Variants in FAF1 observed in about 807,000 individuals in gnomAD.
FAF1 encodes the protein FAS-associated factor 1.
FAF1 carries 25 observed loss-of-function variants against 92.5 expected under a neutral mutation model. The ratio of observed to expected loss-of-function variants is 0.27; its 90% CI spans 0.20 to 0.38. The LOEUF is 0.38. Ranked by LOEUF, FAF1 falls within the 10% of genes least tolerant of loss-of-function variation. The pLI is 1.00. For synonymous variants in FAF1, 234 were observed against 273.2 expected (o/e 0.86, Z 1.42); for missense variants, 636 against 793.3 (o/e 0.80, Z 2.38).
chr1:50,691,122 A>G (rs1259760008), intron 7 of FAF1, among the ~76,000 whole-genome samples: 11 of 152,234 alleles, frequency 7.2e-5, no homozygotes, highest in Admixed American at 7.2e-4. Flanking sequence ...GATGGTAACC[A>G]TGTTTAACAT....
Position 50,885,295 on chromosome 1 carries a change from TTC to T in FAF1, c.46-27300_46-27299del, listed in dbSNP as rs147647466. Among the ~76,000 whole-genome samples, 21 of 137,214 alleles carry T rather than the reference TTC, an allele frequency of 1.5e-4. No individual in the cohort carries two copies. In the East Asian group the frequency reaches 1.7e-3, roughly 11 times the overall value. 90.0% of individuals were successfully genotyped at this position (137,214 alleles called of 152,430 possible). A position where few individuals can be genotyped will look rare whatever the true frequency, so the allele number is the denominator to read the frequency against. On this transcript the variant is annotated intron_variant, in intron 1 of 18. Coordinates refer to ENST00000396153, the MANE Select transcript of FAF1 (RefSeq NM_007051.3). Reference sequence around the variant, plus strand: ...GGTTTCCCATTCTCTCCGTGTCTCTTTCTCTCTCTCTCTCTCTCACACACACA... The same window carrying T: ...GGTTTCCCATTCTCTCCGTGTCTCTTTCTCTCTCTCTCTCTCACACACACA...
intron 13 of FAF1, among the ~76,000 whole-genome samples, chr1:50,556,782 A>G (rs1046255968): frequency 2.0e-5 from 3 of 152,132 alleles, no homozygotes; most frequent in African/African-American, 7.2e-5. Context: ...GGCTGCAGTA[A>G]GTTGAAACTG....
chr1:50,892,467 T>C (rs1247896794), intron 1 of FAF1, among the ~76,000 whole-genome samples: 2 of 152,238 alleles, frequency 1.3e-5, no homozygotes, highest in Non-Finnish European at 2.9e-5. Context: ...GAGCTGTTCC[T>C]ATTTGGCCAT....
At chr1:50,604,203 TCAAGTGCTACTGC>T (rs1652273117) in intron 8 of FAF1, among the ~76,000 whole-genome samples, 1 of 152,040 alleles carries the variant, frequency 6.6e-6, no homozygotes, top group African/African-American at 2.4e-5. Context: ...CTTAGCTGAG[TCAAGTGCTACTGC>T]CATATCTTCC....
intron 3 of FAF1, among the ~76,000 whole-genome samples, chr1:50,794,622 G>C (rs1342572553): frequency 6.6e-6 from 1 of 152,056 alleles, no homozygotes; most frequent in African/African-American, 2.4e-5. Context: ...AAACATATTT[G>C]GTTTTGTTTG....
chr1:50,864,647 C>G (rs1480808119), intron 1 of FAF1, among the ~76,000 whole-genome samples: 1 of 151,574 alleles, frequency 6.6e-6, no homozygotes, highest in Non-Finnish European at 1.5e-5. Flanking sequence ...ATGTAGAAAG[C>G]TGAAACTGGA....
chr1:50,504,404 A>G (rs1221747814), intron 15 of FAF1, among the ~76,000 whole-genome samples: 4 of 152,172 alleles, frequency 2.6e-5, no homozygotes, highest in Non-Finnish European at 5.9e-5. Flanking sequence ...AGGTAAAGGG[A>G]GAATTAATGA....
chr1:50,945,224 C>A (rs1645164675), intron 1 of FAF1, among the ~76,000 whole-genome samples: 1 of 152,100 alleles, frequency 6.6e-6, no homozygotes, highest in Non-Finnish European at 1.5e-5. Context: ...AAAAGTATAA[C>A]ACAGATTGGT....
At chr1:50,650,270 G>A (rs1654797487) in intron 8 of FAF1, among the ~76,000 whole-genome samples, 2 of 130,980 alleles carry the variant, frequency 1.5e-5, no homozygotes, top group East Asian at 2.2e-4. Context: ...TGCAACAAGA[G>A]CGAAACTCTG....
chr1:50,906,419 G>A (rs1481507912), intron 1 of FAF1, among the ~76,000 whole-genome samples: 1 of 152,172 alleles, frequency 6.6e-6, no homozygotes, highest in East Asian at 1.9e-4. Flanking sequence ...TGTGAAGAAA[G>A]TCATTGGTGG....
intron 18 of FAF1, among the ~76,000 whole-genome samples, chr1:50,470,405 T>G (rs1646556927): frequency 6.6e-6 from 1 of 152,212 alleles, no homozygotes; most frequent in South Asian, 2.1e-4. Context: ...CCTCCCTTGA[T>G]TCTCCCACCA....
intron 1 of FAF1, among the ~76,000 whole-genome samples, chr1:50,892,399 G>A (rs1289580886): frequency 1.3e-5 from 2 of 152,208 alleles, no homozygotes; most frequent in African/African-American, 4.8e-5. Context: ...TGGTACCTCA[G>A]TTGGAAATGC....
intron 15 of FAF1, among the ~76,000 whole-genome samples, chr1:50,522,156 T>C (rs1557979935): frequency 6.6e-6 from 1 of 152,238 alleles, no homozygotes; most frequent in Non-Finnish European, 1.5e-5. Context: ...TTTGCGAATA[T>C]GGCAATGTCT....
At chr1:50,785,909 C>T (rs1661344923) in intron 4 of FAF1, among the ~76,000 whole-genome samples, 1 of 152,034 alleles carries the variant, frequency 6.6e-6, no homozygotes, top group South Asian at 2.1e-4. Context: ...AGGAGGATCA[C>T]TTGAGCCCAA....
intron 7 of FAF1, among the ~76,000 whole-genome samples, chr1:50,666,988 T>A (rs1007357861): frequency 6.6e-6 from 1 of 152,308 alleles, no homozygotes; most frequent in Non-Finnish European, 1.5e-5. Context: ...TGTGCTGCAA[T>A]GGATAATGCA....
chr1:50,753,699 C>T (rs1347898647), intron 4 of FAF1, among the ~76,000 whole-genome samples: 1 of 151,744 alleles, frequency 6.6e-6, no homozygotes, highest in African/African-American at 2.4e-5. Context: ...CCTTCCCTCT[C>T]TCTTTTTGAA....
intron 1 of FAF1, among the ~76,000 whole-genome samples, chr1:50,890,830 A>G (rs1256370652): frequency 6.6e-6 from 1 of 151,802 alleles, no homozygotes; most frequent in Non-Finnish European, 1.5e-5. Context: ...GAATCTGACA[A>G]TTGTGTCTTG....
At chr1:50,846,254 AAAAG>A (rs1329786969) in intron 2 of FAF1, among the ~76,000 whole-genome samples, 48 of 152,232 alleles carry the variant, frequency 3.2e-4, no homozygotes, top group African/African-American at 1.1e-3. Context: ...ACAAAAAAAA[AAAAG>A]AAAAGAAAAA....
chr1:50,545,795 T>C (rs929120739), intron 13 of FAF1, among the ~76,000 whole-genome samples: 7 of 152,230 alleles, frequency 4.6e-5, no homozygotes, highest in Admixed American at 4.6e-4. Context: ...AGTCTATAGA[T>C]ATATTTTCAT....
Sources: gnomAD v4.1 joint callset for allele counts (sites outside exome capture counted in the v4.1 genomes callset) on GRCh38, gnomAD v4.1.1 for gene constraint, MANE v1.5 for transcripts, NCBI Gene and HGNC (gene_info 2026-07-23, HGNC 2026-07-21) for gene names.